The following EPHA3 variants were observed in gnomAD, a reference collection of about 807,000 sequenced individuals.
EPHA3 encodes EPH receptor A3.
EPHA3 carries 42 observed loss-of-function variants against 107.1 expected under a neutral mutation model. The observed-to-expected ratio is 0.39, with a 90% CI of 0.31 to 0.51. EPHA3 has a LOEUF of 0.51. Among genes scored for constraint, EPHA3 ranks in the 20% least tolerant of loss-of-function variants. The pLI, the probability that EPHA3 is intolerant of heterozygous loss-of-function variation, is 0.78. For missense variants in EPHA3, 1,183 were observed against 1,211.2 expected, an observed-to-expected ratio of 0.98 and a Z score of 0.35; for synonymous variants, 461 against 424.8, an observed-to-expected ratio of 1.09 and a Z score of -1.05.
chr3:89,333,893 T>TA (rs1422302686), intron 3 of EPHA3, among the ~76,000 whole-genome samples: 1 of 151,296 alleles, frequency 6.6e-6, no homozygotes, highest in African/African-American at 2.4e-5. Flanking sequence ...AAAAAAAAAA[T>TA]AAAAAACCTC....
At chr3:89,195,613 C>T (rs1413221436) in intron 2 of EPHA3, among the ~76,000 whole-genome samples, 1 of 152,142 alleles carries the variant, frequency 6.6e-6, no homozygotes, top group Non-Finnish European at 1.5e-5. Context: ...CCTTGTCCTA[C>T]TCCTAAAATA....
intron 2 of EPHA3, among the ~76,000 whole-genome samples, chr3:89,156,891 G>GA (rs549100642): frequency 0.017 from 2,538 of 146,984 alleles, 61 homozygotes; most frequent in African/African-American, 0.057. Context: ...TTTTTTTTTG[G>GA]AAAAAAAAAT....
At chr3:89,424,644 C>T (rs531598025) in intron 11 of EPHA3, among the ~76,000 whole-genome samples, 2 of 150,930 alleles carry the variant, frequency 1.3e-5, no homozygotes, top group African/African-American at 4.8e-5. Context: ...ATAAGCTTTT[C>T]CAATTAGGCA....
chr3:89,197,216 A>C (rs994469473), intron 2 of EPHA3, among the ~76,000 whole-genome samples: 1 of 152,208 alleles, frequency 6.6e-6, no homozygotes, highest in African/African-American at 2.4e-5. Flanking sequence ...GGTAGTGCCA[A>C]GAAATGGTTT....
intron 10 of EPHA3, among the ~76,000 whole-genome samples, chr3:89,415,224 G>A (rs1019640899): frequency 2.1e-4 from 32 of 151,060 alleles, no homozygotes; most frequent in African/African-American, 7.7e-4. Flanking sequence ...ATTAAATAGT[G>A]TAATAATAAA....
At chr3:89,238,550 A>G (rs1482921594) in intron 3 of EPHA3, among the ~76,000 whole-genome samples, 16 of 152,290 alleles carry the variant, frequency 1.1e-4, no homozygotes, top group Non-Finnish European at 1.6e-4. Context: ...TCTAAACTCA[A>G]TTCTTGAGTT....
At chr3:89,163,295 A>G (rs1205889907) in intron 2 of EPHA3, among the ~76,000 whole-genome samples, 1 of 152,144 alleles carries the variant, frequency 6.6e-6, no homozygotes, top group Non-Finnish European at 1.5e-5. Flanking sequence ...ATGATGACTT[A>G]TTTTTAATGA....
intron 3 of EPHA3, among the ~76,000 whole-genome samples, chr3:89,258,979 A>G (rs1010232977): frequency 2.0e-5 from 3 of 152,150 alleles, no homozygotes; most frequent in Non-Finnish European, 4.4e-5. Flanking sequence ...TTGGCGCCTG[A>G]ATAAGGTCTG....
intron 2 of EPHA3, among the ~76,000 whole-genome samples, chr3:89,195,015 G>T (rs751613615): frequency 6.6e-6 from 1 of 151,864 alleles, no homozygotes; most frequent in Non-Finnish European, 1.5e-5. Context: ...TACAGTTTCC[G>T]ACATTTCATT....
intron 5 of EPHA3, among the ~76,000 whole-genome samples, chr3:89,361,302 C>G (rs1708085984): frequency 6.6e-6 from 1 of 150,786 alleles, no homozygotes; most frequent in Admixed American, 6.7e-5. Context: ...CATGTGTAGC[C>G]TAAGATATAG....
At chr3:89,423,290 A>C (rs1709390196) in intron 11 of EPHA3, among the ~76,000 whole-genome samples, 1 of 151,332 alleles carries the variant, frequency 6.6e-6, no homozygotes, top group South Asian at 2.1e-4. Context: ...TAGTGGCATG[A>C]GTATCCACTT....
At chr3:89,218,568 G>T (rs1023088351) in intron 3 of EPHA3, among the ~76,000 whole-genome samples, 1 of 151,872 alleles carries the variant, frequency 6.6e-6, no homozygotes, top group African/African-American at 2.4e-5. Flanking sequence ...CCAAGTCTTT[G>T]CTATTGTGAA....
chr3:89,370,280 G>A (rs1236595918), intron 5 of EPHA3, among the ~76,000 whole-genome samples: 5 of 151,484 alleles, frequency 3.3e-5, no homozygotes, highest in Non-Finnish European at 7.4e-5. Context: ...ATGATAGACT[G>A]GATTAAGAAA....
chr3:89,438,203 G>A (rs1049751528), intron 13 of EPHA3, among the ~76,000 whole-genome samples: 3 of 151,850 alleles, frequency 2.0e-5, no homozygotes, highest in African/African-American at 4.8e-5. Flanking sequence ...CTGCCTCCCG[G>A]GTTCACGCCA....
At chr3:89,423,967 T>A (rs754178399) in intron 11 of EPHA3, among the ~76,000 whole-genome samples, 8 of 151,438 alleles carry the variant, frequency 5.3e-5, no homozygotes, top group African/African-American at 9.7e-5. Flanking sequence ...AGAAATATGA[T>A]GAAGCACTAG....
chr3:89,313,745 GATAT>G (rs920942254), intron 3 of EPHA3, among the ~76,000 whole-genome samples: 2 of 151,800 alleles, frequency 1.3e-5, no homozygotes, highest in African/African-American at 4.8e-5. Flanking sequence ...TTTGAAAAGA[GATAT>G]ATTAGTGAAT....
chr3:89,147,461 A>T (rs1028277033), intron 2 of EPHA3, among the ~76,000 whole-genome samples: 1 of 151,940 alleles, frequency 6.6e-6, no homozygotes, highest in African/African-American at 2.4e-5. Flanking sequence ...TATAATTGTG[A>T]AGAAGAAAAA....
At chr3:89,469,913 C>T (rs1307918146) in intron 15 of EPHA3, among the ~76,000 whole-genome samples, 4 of 152,058 alleles carry the variant, frequency 2.6e-5, no homozygotes, top group Non-Finnish European at 5.9e-5. Context: ...AAATGACAGA[C>T]TTCACTTAGA....
intron 5 of EPHA3, among the ~76,000 whole-genome samples, chr3:89,391,114 A>G (rs557737661): frequency 1.3e-5 from 2 of 152,258 alleles, no homozygotes; most frequent in East Asian, 1.9e-4. Context: ...CAGCTTTTAT[A>G]AAACACATAT....
Sources: allele counts gnomAD v4.1 joint callset (sites outside exome capture counted in the v4.1 genomes callset), GRCh38; gene constraint gnomAD v4.1.1; transcripts MANE v1.5; gene names NCBI Gene and HGNC (gene_info 2026-07-23, HGNC 2026-07-21).